ARHGAP44: variants seen among roughly 807,000 people sequenced by gnomAD.
The protein encoded by ARHGAP44 is rho GTPase-activating protein 44.
ARHGAP44 carries 43 observed loss-of-function variants against 106.8 expected under a neutral mutation model. The observed-to-expected ratio is 0.40, with a 90% CI of 0.32 to 0.52. The LOEUF is 0.52. ARHGAP44 is among the 20% of genes least tolerant of loss of function. ARHGAP44 has a pLI of 0.48. For synonymous variants in ARHGAP44, 439 were observed against 410.3 expected (o/e 1.07, Z -0.85); for missense variants, 866 against 1,050.5 (o/e 0.82, Z 2.43).
chr17:12,961,763 T>A (rs1264794043), intron 16 of ARHGAP44, among the ~76,000 whole-genome samples: 2 of 151,858 alleles, frequency 1.3e-5, no homozygotes, highest in Non-Finnish European at 2.9e-5. Context: ...TCAATGAAGG[T>A]CTTACCGGTT....
At chr17:12,971,537 T>C (rs150138180) in intron 16 of ARHGAP44, among the ~76,000 whole-genome samples, 15 of 152,304 alleles carry the variant, frequency 9.8e-5, no homozygotes, top group Non-Finnish European at 1.5e-4. Flanking sequence ...AAGCTCTTTG[T>C]TCTTTTCATC....
chr17:12,967,398 A>G (rs145748968), intron 16 of ARHGAP44, among the ~76,000 whole-genome samples: 8 of 151,794 alleles, frequency 5.3e-5, no homozygotes, highest in African/African-American at 1.9e-4. Context: ...ACACAATAGA[A>G]TATTGTACAC....
chr17:12,832,612 A>C, intron 1 of ARHGAP44, among the ~76,000 whole-genome samples: 1 of 152,292 alleles, frequency 6.6e-6, no homozygotes, highest in Non-Finnish European at 1.5e-5. Flanking sequence ...TCAAAGTTAA[A>C]CTTTAAACTA....
At chr17:12,835,275 AAC>A (rs2035203636) in intron 1 of ARHGAP44, among the ~76,000 whole-genome samples, 1 of 152,192 alleles carries the variant, frequency 6.6e-6, no homozygotes, top group African/African-American at 2.4e-5. Flanking sequence ...GAGGCTTGCC[AAC>A]ACCCTCAAGA....
chr17:12,892,150 T>C (rs1899049576), intron 1 of ARHGAP44, among the ~76,000 whole-genome samples: 1 of 152,240 alleles, frequency 6.6e-6, no homozygotes, highest in Admixed American at 6.5e-5. Flanking sequence ...ACAAATTTTG[T>C]CAACTTTTGT....
Position 12,854,685 on chromosome 17 carries a change from G to A in ARHGAP44, c.54-40255G>A, listed in dbSNP as rs1054619810. 4.6e-5 allele frequency among the ~76,000 whole-genome samples: 7 copies of A among 152,226 alleles called. No individual in the cohort carries two copies. In the East Asian group the frequency reaches 5.8e-4, roughly 13 times the overall value. On this transcript the variant is annotated intron_variant, in intron 1 of 20. Transcript: ENST00000379672. ...AAAAGAAACAGTGTCTTGGCTGAGC[G>A]CGGTGGCTCATGCCTGTAATCCCAG...
chr17:12,949,103 G>A lies in ARHGAP44; in HGVS notation c.862-37G>A, dbSNP rs780281934. The A allele has an allele frequency of 2.5e-5, 39 of 1,535,288 alleles. No individual in the cohort carries two copies. The highest frequency in any genetic ancestry group is 3.3e-5 in the Non-Finnish European group (37 of 1,133,356). On this transcript the variant is annotated intron_variant, in intron 10 of 20. Coordinates refer to ENST00000379672, the MANE Select transcript of ARHGAP44 (RefSeq NM_014859.6). This position sits in a 1 kb window ranked among gnomAD's most constrained non-coding sequence, Gnocchi z 4.1. ...TCTCTGCGCTTTGATGTTGTACCTTGGAGTTGCTGTGCGCTGACCCTCTGT... is the reference window on the plus strand; with the variant it reads ...TCTCTGCGCTTTGATGTTGTACCTTAGAGTTGCTGTGCGCTGACCCTCTGT...
chr17:12,816,146 C>A (rs923517015), intron 1 of ARHGAP44, among the ~76,000 whole-genome samples: 1 of 152,076 alleles, frequency 6.6e-6, no homozygotes, highest in African/African-American at 2.4e-5. Context: ...GGGAGCCTGC[C>A]ATGAAGGAAG....
At chr17:12,981,023 T>A (rs1318143858) in intron 19 of ARHGAP44, 1 of 152,202 alleles carries the variant, frequency 6.6e-6, no homozygotes, top group African/African-American at 2.4e-5. Flanking sequence ...TTAGTTCCGA[T>A]CTGCAGTGGC....
rs2038930057 is a variant in ARHGAP44 at position 12,949,001 on chromosome 17, C to A, written c.862-139C>A. 5 of 831,220 alleles carry A rather than the reference C, an allele frequency of 6.0e-6. No individual in the cohort carries two copies. The highest frequency in any genetic ancestry group is 9.6e-6 in the Non-Finnish European group (5 of 520,952). The allele number at this position is 831,220 out of a possible 1,614,324, so 51.5% of individuals were successfully genotyped here. A position where few individuals can be genotyped will look rare whatever the true frequency, so the allele number is the denominator to read the frequency against. On this transcript the variant is annotated intron_variant, in intron 10 of 20. Coordinates refer to ENST00000379672, the MANE Select transcript of ARHGAP44 (RefSeq NM_014859.6). The surrounding 1 kb of genome is among the most constrained non-coding windows in gnomAD (Gnocchi z 4.1). ...AAGAGGGAGACATTGAGAAAGCAGG[C>A]AACTGGGGGATTGGGAGATGGTGTT...
intron 1 of ARHGAP44, among the ~76,000 whole-genome samples, chr17:12,841,646 AC>A (rs1202111726): frequency 3.3e-4 from 49 of 150,322 alleles, no homozygotes; most frequent in African/African-American, 9.9e-4. Flanking sequence ...ACACAAACAA[AC>A]AAACAAAAAC....
At chr17:12,946,164 A>G (rs536900165) in intron 10 of ARHGAP44, among the ~76,000 whole-genome samples, 1 of 152,328 alleles carries the variant, frequency 6.6e-6, no homozygotes, top group African/African-American at 2.4e-5. Context: ...AATTATGGAA[A>G]ACCATAAACA....
intron 1 of ARHGAP44, among the ~76,000 whole-genome samples, chr17:12,868,591 TTATATATATATATATA>T (rs1209692482): frequency 7.2e-4 from 34 of 47,156 alleles, no homozygotes; most frequent in Middle Eastern, 0.013. Flanking sequence ...TATATGCATT[TTATATATATATATATA>T]TATATATATA....
chr17:12,841,882 T>G (rs891713322), intron 1 of ARHGAP44, among the ~76,000 whole-genome samples: 2 of 152,082 alleles, frequency 1.3e-5, no homozygotes, highest in African/African-American at 4.8e-5. Context: ...GGTTTGCAAA[T>G]TTTTCAGGCA....
intron 18 of ARHGAP44, among the ~76,000 whole-genome samples, chr17:12,977,149 G>T (rs2039704108): frequency 6.6e-6 from 1 of 152,030 alleles, no homozygotes; most frequent in South Asian, 2.1e-4. Context: ...AACTCACATT[G>T]CTCTATAGCC....
At chr17:12,977,280 G>A (rs763503042) in intron 18 of ARHGAP44, among the ~76,000 whole-genome samples, 1 of 152,136 alleles carries the variant, frequency 6.6e-6, no homozygotes, top group Non-Finnish European at 1.5e-5. Context: ...GTACAAACAG[G>A]TGTTCCATTG....
At chr17:12,952,722 CTTTTTTTTT>C (rs201371135) in intron 13 of ARHGAP44, 141 bp downstream of exon 13, 3,667 of 307,074 alleles carry the variant, frequency 0.012, 2 homozygotes, top group East Asian at 0.032. Context: ...TGCATGGTCT[CTTTTTTTTT>C]TTTTTTTTTT....
At chr17:12,914,275 G>C (rs2037835548) in intron 4 of ARHGAP44, among the ~76,000 whole-genome samples, 1 of 152,262 alleles carries the variant, frequency 6.6e-6, no homozygotes, top group African/African-American at 2.4e-5. Context: ...CACCTACCAG[G>C]ACCAAGGGTT....
chr17:12,865,276 A>G (rs1472930156), intron 1 of ARHGAP44, among the ~76,000 whole-genome samples: 1 of 152,204 alleles, frequency 6.6e-6, no homozygotes, highest in Non-Finnish European at 1.5e-5. Context: ...TAGATGATTT[A>G]TACAAAAAAA....
Sources: allele counts gnomAD v4.1 joint callset (sites outside exome capture counted in the v4.1 genomes callset), GRCh38; gene constraint gnomAD v4.1.1; non-coding constraint Gnocchi (gnomAD v3.1); transcripts MANE v1.5; gene names NCBI Gene and HGNC (gene_info 2026-07-23, HGNC 2026-07-21).